Variants in SDK2 observed in about 807,000 individuals in gnomAD.
The protein encoded by SDK2 is sidekick cell adhesion molecule 2.
SDK2 carries 105 observed loss-of-function variants against 253.9 expected under a neutral mutation model. The ratio of observed to expected loss-of-function variants is 0.41; its 90% CI spans 0.35 to 0.49. The LOEUF (loss-of-function observed/expected upper bound fraction) is 0.49. Ranked by LOEUF, SDK2 falls within the 20% of genes least tolerant of loss-of-function variation. The pLI, the probability that SDK2 is intolerant of heterozygous loss-of-function variation, is 0.06. For missense variants in SDK2, 2,608 were observed against 3,003.0 expected (o/e 0.87, Z 3.07); for synonymous variants, 1,249 against 1,234.9 (o/e 1.01, Z -0.24).
chr17:73,512,297 T>A (rs2145769820), intron 1 of SDK2, among the ~76,000 whole-genome samples: 1 of 152,270 alleles, frequency 6.6e-6, no homozygotes, highest in South Asian at 2.1e-4. Flanking sequence ...ACACTATTGA[T>A]CTATATAAAG....
intron 1 of SDK2, among the ~76,000 whole-genome samples, chr17:73,630,224 C>T (rs762672707): frequency 3.9e-5 from 6 of 152,142 alleles, no homozygotes; most frequent in Non-Finnish European, 8.8e-5. Context: ...GTGGCAGCGA[C>T]ACCTGGGAAC....
In SDK2 at chr17:73,616,813, T is replaced by C. The variant is rs2046063891; in HGVS notation, c.64+27212A>G. ...GTGCGCATTCCCACCATGAGATGCCTGGGGAAGGGGTCAGATTCCAGGGCT... is the reference window on the plus strand; with the variant it reads ...GTGCGCATTCCCACCATGAGATGCCCGGGGAAGGGGTCAGATTCCAGGGCT... On this transcript the variant is annotated intron_variant, in intron 1 of 44. Transcript: ENST00000392650. The surrounding 1 kb of genome is among the most constrained non-coding windows in gnomAD (Gnocchi z 5.2). Among the ~76,000 whole-genome samples the C allele has an allele frequency of 6.6e-6, 1 of 152,032 alleles. No homozygotes were observed. The highest frequency in any genetic ancestry group is 1.5e-5 in the Non-Finnish European group (1 of 67,994).
At chr17:73,475,303 C>T (rs2063678497) in intron 2 of SDK2, among the ~76,000 whole-genome samples, 1 of 152,196 alleles carries the variant, frequency 6.6e-6, no homozygotes. Flanking sequence ...AGGCACCTGC[C>T]ACCACGCCCA....
In SDK2 at chr17:73,500,023, G is replaced by T. The variant is rs141887323; in HGVS notation, c.224+7415C>A. On this transcript the variant is annotated intron_variant, in intron 2 of 44. Transcript: ENST00000392650. ...GGGACAAAATCATCTGGTTGATGAC[G>T]TTGCCAGGGCACAGACCCAAGGATG... Among the ~76,000 whole-genome samples, 311 of 152,120 alleles carry T rather than the reference G, an allele frequency of 2.0e-3. 1 individual carries two copies. Among genetic ancestry groups the T allele is most frequent in the Middle Eastern group, 0.014 (4 of 294 alleles).
intron 18 of SDK2, among the ~76,000 whole-genome samples, chr17:73,407,618 G>A (rs1480386813): frequency 6.6e-6 from 1 of 152,032 alleles, no homozygotes; most frequent in Non-Finnish European, 1.5e-5. Context: ...TAGAGATAGC[G>A]GGGGCGGGGG....
intron 1 of SDK2, among the ~76,000 whole-genome samples, chr17:73,591,617 T>C (rs926934600): frequency 1.3e-5 from 2 of 152,112 alleles, no homozygotes; most frequent in Non-Finnish European, 2.9e-5. Context: ...GATGAAGCAA[T>C]GTTTATCTGA....
Position 73,554,916 on chromosome 17 carries a change from C to T in SDK2, c.65-47319G>A, listed in dbSNP as rs148492192. 5.6e-3 allele frequency among the ~76,000 whole-genome samples: 857 copies of T among 152,340 alleles called. 4 individuals carry two copies. The highest frequency in any genetic ancestry group is 6.8e-3 in the Middle Eastern group (2 of 294). On this transcript the variant is annotated intron_variant, in intron 1 of 44. Transcript: ENST00000392650. ...TACAGGATCAAAACTCTGTGAGTTT[C>T]CTCCTGCCAAGACCTGAGTCTCTTC...
chr17:73,555,093 C>A (rs938205734), intron 1 of SDK2, among the ~76,000 whole-genome samples: 7 of 152,222 alleles, frequency 4.6e-5, no homozygotes, highest in Admixed American at 6.5e-5. Flanking sequence ...CCCTGGTGAA[C>A]CCTAGAGCTT....
rs1263388330 is a variant in SDK2 at position 73,544,404 on chromosome 17, T to C, written c.65-36807A>G. Among the ~76,000 whole-genome samples, 2 of 152,232 alleles carry C rather than the reference T, an allele frequency of 1.3e-5. 1 individual carries two copies. Among genetic ancestry groups the C allele is most frequent in the African/African-American group, 4.8e-5 (2 of 41,468 alleles). ...AGCTCCGTGAGGACAGGGACTTGCC[T>C]GGCACATTGATCTTTGTGTCACCGT... On this transcript the variant is annotated intron_variant, in intron 1 of 44. Coordinates refer to ENST00000392650, the MANE Select transcript of SDK2 (RefSeq NM_001144952.2).
At chr17:73,593,354 CCCACTCCCTATCCTGG>C (rs1283079969) in intron 1 of SDK2, among the ~76,000 whole-genome samples, 1 of 152,178 alleles carries the variant, frequency 6.6e-6, no homozygotes, top group Non-Finnish European at 1.5e-5. Context: ...AGCCTCAGCA[CCCACTCCCTATCCTGG>C]CCACAAGAGC....
At position 73,553,401 on chromosome 17, in the gene SDK2, G is replaced by T. The variant is rs558535256; in HGVS notation, c.65-45804C>A. 4.6e-5 allele frequency among the ~76,000 whole-genome samples: 7 copies of T among 152,270 alleles called. 1 individual carries two copies. Among genetic ancestry groups the T allele is most frequent in the Admixed American group, 3.3e-4 (5 of 15,308 alleles). Reference sequence around the variant, plus strand: ...TGGATGTTATTATCCCCTTGGTAAAGATGACAAAACTGAGGCCTCAAGAGA... The same window carrying T: ...TGGATGTTATTATCCCCTTGGTAAATATGACAAAACTGAGGCCTCAAGAGA... On this transcript the variant is annotated intron_variant, in intron 1 of 44. Transcript: ENST00000392650.
chr17:73,494,033 G>A (rs1009504776), intron 2 of SDK2, among the ~76,000 whole-genome samples: 16 of 152,206 alleles, frequency 1.1e-4, no homozygotes, highest in African/African-American at 3.6e-4. Flanking sequence ...TGGGGATGCC[G>A]GGCCTGGCAA....
chr17:73,526,382 G>T (rs1418384633), intron 1 of SDK2, among the ~76,000 whole-genome samples: 3 of 152,174 alleles, frequency 2.0e-5, no homozygotes, highest in Non-Finnish European at 4.4e-5. Context: ...GGGCCAGTCA[G>T]GTAACTTCTT....
In SDK2 at chr17:73,366,144, G is replaced by A. The variant is rs1057463633; in HGVS notation, c.5168-749C>T. Among the ~76,000 whole-genome samples, 5 of 152,170 alleles carry A rather than the reference G, an allele frequency of 3.3e-5. No homozygotes were observed. The East Asian group carries it at 7.7e-4, about 23-fold the overall frequency. On this transcript the variant is annotated intron_variant, in intron 37 of 44. Coordinates refer to ENST00000392650, the MANE Select transcript of SDK2 (RefSeq NM_001144952.2). Reference sequence around the variant, plus strand: ...ACCACGCTGGAGCTAATCCGGACCTGCTTCCGGCTCCAGCCCCAGGAGGCA... The same window carrying A: ...ACCACGCTGGAGCTAATCCGGACCTACTTCCGGCTCCAGCCCCAGGAGGCA...
chr17:73,628,733 C>T (rs1437467921), intron 1 of SDK2, among the ~76,000 whole-genome samples: 1 of 152,238 alleles, frequency 6.6e-6, no homozygotes, highest in Non-Finnish European at 1.5e-5. Context: ...GTCACTCCTC[C>T]TCCCTGATTC....
At chr17:73,579,976 C>T (rs2045511499) in intron 1 of SDK2, among the ~76,000 whole-genome samples, 1 of 138,802 alleles carries the variant, frequency 7.2e-6, no homozygotes, top group African/African-American at 2.8e-5. Flanking sequence ...GAAACCCCGT[C>T]TCAAAAAGAA....
At chr17:73,463,406 C>CAT in intron 3 of SDK2, among the ~76,000 whole-genome samples, 1 of 152,258 alleles carries the variant, frequency 6.6e-6, no homozygotes, top group South Asian at 2.1e-4. Context: ...ATATGTCACG[C>CAT]ATACAAAAGA....
At chr17:73,619,166 CAAAAAAAAA>C (rs540815987) in intron 1 of SDK2, among the ~76,000 whole-genome samples, 1 of 90,262 alleles carries the variant, frequency 1.1e-5, no homozygotes. Context: ...GACCCTGTCT[CAAAAAAAAA>C]AAAAAAAAGC....
At chr17:73,432,610 G>A (rs1356839325) in intron 10 of SDK2, among the ~76,000 whole-genome samples, 12 of 151,866 alleles carry the variant, frequency 7.9e-5, no homozygotes, top group African/African-American at 2.9e-4. Flanking sequence ...GACAGGCCAT[G>A]AGCTAGGTAA....
Sources: gnomAD v4.1 joint callset for allele counts (sites outside exome capture counted in the v4.1 genomes callset) on GRCh38, gnomAD v4.1.1 for gene constraint, Gnocchi (gnomAD v3.1) non-coding constraint, MANE v1.5 for transcripts, NCBI Gene and HGNC (gene_info 2026-07-23, HGNC 2026-07-21) for gene names.